Variants in PDE4B observed in about 807,000 individuals in gnomAD.
PDE4B encodes the protein 3',5'-cyclic-AMP phosphodiesterase 4B.
In PDE4B, 20 loss-of-function variants were observed where a neutral mutation model predicts 82.2. The observed-to-expected ratio is 0.24, with a 90% CI of 0.17 to 0.35. PDE4B has a LOEUF of 0.35. Among genes scored for constraint, PDE4B ranks in the 10% least tolerant of loss-of-function variants. The pLI, the probability that PDE4B is intolerant of heterozygous loss-of-function variation, is 1.00. For synonymous variants in PDE4B, 320 were observed against 318.9 expected (o/e 1.00, Z -0.04); for missense variants, 655 against 907.2 (o/e 0.72, Z 3.57).
chr1:66,124,753 T>A (rs1645784849), intron 3 of PDE4B, among the ~76,000 whole-genome samples: 1 of 152,156 alleles, frequency 6.6e-6, no homozygotes, highest in Admixed American at 6.5e-5. Flanking sequence ...AAAAAAAAGT[T>A]AATTCCTGGC....
intron 1 of PDE4B, among the ~76,000 whole-genome samples, chr1:65,819,051 AC>A: frequency 6.6e-6 from 1 of 152,276 alleles, no homozygotes; most frequent in Non-Finnish European, 1.5e-5. Flanking sequence ...GTCTAACAAA[AC>A]AGCTGCTACC....
chr1:65,982,908 A>G (rs1328626689), intron 3 of PDE4B, among the ~76,000 whole-genome samples: 1 of 152,220 alleles, frequency 6.6e-6, no homozygotes, highest in Non-Finnish European at 1.5e-5. Flanking sequence ...GCCTGGCAAC[A>G]CTGGGGCCAT....
chr1:65,815,598 A>G (rs993522660), intron 1 of PDE4B, among the ~76,000 whole-genome samples: 4 of 152,184 alleles, frequency 2.6e-5, no homozygotes, highest in African/African-American at 9.7e-5. Context: ...AAATGATTTG[A>G]AAATAAAAAA....
intron 3 of PDE4B, among the ~76,000 whole-genome samples, chr1:66,184,882 A>G (rs547322233): frequency 6.6e-6 from 1 of 151,716 alleles, no homozygotes; most frequent in African/African-American, 2.4e-5. Context: ...GTACATGTGC[A>G]CAACGTGCAT....
At chr1:66,270,928 C>T (rs988470348) in intron 7 of PDE4B, among the ~76,000 whole-genome samples, 1 of 152,202 alleles carries the variant, frequency 6.6e-6, no homozygotes, top group African/African-American at 2.4e-5. Context: ...GTTTAGACAG[C>T]CTGCATATAA....
chr1:65,849,505 A>C (rs559234697), intron 1 of PDE4B, among the ~76,000 whole-genome samples: 8 of 152,288 alleles, frequency 5.3e-5, no homozygotes, highest in Admixed American at 4.6e-4. Flanking sequence ...TTGTCCGGCC[A>C]GTGACTTTTC....
At position 66,365,688 on chromosome 1, in the gene PDE4B, A is replaced by T; in HGVS notation, c.1306A>T (p.Ile436Phe). ...ALDAVFTDLE[I>F]LAAIFAAAIH... ...ACAGGCTGTCTTCACAGATTTGGAG[A>T]TCCTGGCTGCCATTTTTGCAGCTGC... is the stretch of plus-strand genomic sequence containing the variant. The change falls in exon 13 of 17, where the codon ATC (isoleucine) becomes TTC (phenylalanine). Residue 436 changes from isoleucine (I) to phenylalanine (F), a missense_variant. Physicochemically the swap from Ile to Phe is conservative, Grantham distance 21. Transcript: ENST00000341517. The T allele has an allele frequency of 6.2e-7, 1 of 1,609,184 alleles. No homozygotes were observed. The highest frequency in any genetic ancestry group is 8.5e-7 in the Non-Finnish European group (1 of 1,176,300).
intron 3 of PDE4B, among the ~76,000 whole-genome samples, chr1:66,093,262 A>G (rs563265997): frequency 1.3e-5 from 2 of 152,142 alleles, no homozygotes; most frequent in East Asian, 3.9e-4. Context: ...TGGGGTGGAG[A>G]AAATAGCACT....
At chr1:65,875,704 A>G (rs1268206626) in intron 1 of PDE4B, among the ~76,000 whole-genome samples, 1 of 150,020 alleles carries the variant, frequency 6.7e-6, no homozygotes, top group African/African-American at 2.5e-5. Context: ...TGCAAGAACA[A>G]AAAAGCAAAC....
chr1:66,154,219 A>C (rs938598105), intron 3 of PDE4B, among the ~76,000 whole-genome samples: 3 of 152,116 alleles, frequency 2.0e-5, no homozygotes, highest in African/African-American at 7.2e-5. Context: ...TGCTTACCTG[A>C]GCTCCTCCAC....
chr1:66,217,936 A>G (rs988722800), intron 3 of PDE4B, among the ~76,000 whole-genome samples: 9 of 152,152 alleles, frequency 5.9e-5, no homozygotes, highest in Admixed American at 5.9e-4. Context: ...ATAGGCAGTA[A>G]GAAGACATTG....
At chr1:66,278,757 G>A (rs1438807502) in intron 7 of PDE4B, among the ~76,000 whole-genome samples, 1 of 151,784 alleles carries the variant, frequency 6.6e-6, no homozygotes, top group Non-Finnish European at 1.5e-5. Flanking sequence ...ATTGCTTCAT[G>A]CAGCTGCACG....
chr1:65,836,913 C>T (rs1299237405), intron 1 of PDE4B, among the ~76,000 whole-genome samples: 2 of 152,088 alleles, frequency 1.3e-5, no homozygotes, highest in African/African-American at 2.4e-5. Context: ...TTATAGTCTT[C>T]ATGGGGCTTA....
At position 65,921,269 on chromosome 1, in the gene PDE4B, T is replaced by C. The variant is rs1013057223; in HGVS notation, c.281+2434T>C. 1.1e-4 allele frequency among the ~76,000 whole-genome samples: 17 copies of C among 152,090 alleles called. No individual in the cohort carries two copies. In the East Asian group the frequency reaches 1.4e-3, roughly 12 times the overall value. On this transcript the variant is annotated intron_variant, in intron 3 of 16. Coordinates refer to ENST00000341517, the MANE Select transcript of PDE4B (RefSeq NM_002600.4). ...AGGTGTGAGCCACCGCGCCCGGCCC[T>C]AAAAGCATTTCTGAACATCTCTTGA...
intron 1 of PDE4B, among the ~76,000 whole-genome samples, chr1:65,869,761 C>T (rs140390017): frequency 4.0e-5 from 6 of 148,310 alleles, no homozygotes; most frequent in African/African-American, 1.5e-4. Context: ...CCAGAGTGCT[C>T]GAAAAAGCTG....
intron 1 of PDE4B, among the ~76,000 whole-genome samples, chr1:65,884,854 A>G (rs1312493736): frequency 6.6e-6 from 1 of 152,262 alleles, no homozygotes; most frequent in African/African-American, 2.4e-5. Context: ...GCCAAAGTTG[A>G]CAAATGGGAT....
At chr1:66,119,695 T>A (rs1645670921) in intron 3 of PDE4B, among the ~76,000 whole-genome samples, 1 of 152,172 alleles carries the variant, frequency 6.6e-6, no homozygotes, top group South Asian at 2.1e-4. Flanking sequence ...TGGGTTAAAT[T>A]GTGTTTCCCC....
At chr1:66,240,029 TG>T (rs1486771628) in intron 3 of PDE4B, among the ~76,000 whole-genome samples, 1 of 152,258 alleles carries the variant, frequency 6.6e-6, no homozygotes, top group Non-Finnish European at 1.5e-5. Flanking sequence ...GCCTCTCCTT[TG>T]GGCTTAGAGC....
intron 3 of PDE4B, among the ~76,000 whole-genome samples, chr1:66,147,266 A>G (rs1470180435): frequency 6.6e-6 from 1 of 152,238 alleles, no homozygotes; most frequent in Non-Finnish European, 1.5e-5. Context: ...AATATTTCCT[A>G]AGTTAATTCT....
Sources: allele counts gnomAD v4.1 joint callset (sites outside exome capture counted in the v4.1 genomes callset), GRCh38; gene constraint gnomAD v4.1.1; transcripts MANE v1.5; gene names NCBI Gene and HGNC (gene_info 2026-07-23, HGNC 2026-07-21).